Variants in ADGRB3 observed in about 807,000 individuals in gnomAD.
ADGRB3 encodes adhesion G protein-coupled receptor B3.
Under a neutral mutation model 193.4 loss-of-function variants are expected in ADGRB3, and 37 were observed. That is an observed-to-expected ratio of 0.19 (90% CI 0.15 to 0.25). ADGRB3 has a LOEUF of 0.25. Among genes scored for constraint, ADGRB3 ranks in the 10% least tolerant of loss-of-function variants. ADGRB3 has a pLI of 1.00. For missense variants in ADGRB3, 1,637 were observed against 1,852.9 expected (o/e 0.88, Z 2.14); for synonymous variants, 690 against 644.2 (o/e 1.07, Z -1.08).
chr6:68,870,305 G>A (rs1362956149), intron 3 of ADGRB3, among the ~76,000 whole-genome samples: 2 of 152,156 alleles, frequency 1.3e-5, no homozygotes, highest in African/African-American at 4.8e-5. Flanking sequence ...TGGTGGCTCA[G>A]GAGCCGCATT....
chr6:69,151,924 C>T (rs1293693429), intron 17 of ADGRB3, among the ~76,000 whole-genome samples: 6 of 152,118 alleles, frequency 3.9e-5, no homozygotes, highest in African/African-American at 9.7e-5. Flanking sequence ...TGAGTTCTCA[C>T]GAGATCTGAT....
rs567572434 is a variant in ADGRB3, at chr6:69,189,344, T to G, written c.2481-43946T>G. On this transcript the variant is annotated intron_variant, in intron 17 of 31. Transcript: ENST00000370598. ...GTTCAACTATATTTTGATGTTTGCA[T>G]TTATACCAGCACTTTCAATGCTGAA... is the stretch of plus-strand genomic sequence containing the variant. Among the ~76,000 whole-genome samples, 3 of 152,318 alleles carry G rather than the reference T, an allele frequency of 2.0e-5. No individual in the cohort carries two copies. In the East Asian group the frequency reaches 5.8e-4, roughly 29 times the overall value.
intron 11 of ADGRB3, among the ~76,000 whole-genome samples, chr6:69,003,740 G>T (rs1769653738): frequency 6.6e-6 from 1 of 152,082 alleles, no homozygotes; most frequent in Admixed American, 6.6e-5. Context: ...TCTTAAGTGG[G>T]TGAAATATGA....
At chr6:69,006,506 T>A (rs930644644) in intron 11 of ADGRB3, among the ~76,000 whole-genome samples, 5 of 151,874 alleles carry the variant, frequency 3.3e-5, no homozygotes, top group Admixed American at 1.3e-4. Flanking sequence ...AGAGTCTTTT[T>A]TTTTTTCTTT....
intron 17 of ADGRB3, among the ~76,000 whole-genome samples, chr6:69,228,711 T>G (rs948926439): frequency 6.6e-6 from 1 of 152,210 alleles, no homozygotes; most frequent in African/African-American, 2.4e-5. Context: ...TCATAAAATA[T>G]GTGTTTACAA....
chr6:69,043,290 G>GAGAGAAAGAAAAAAGAAAGAAAGAA lies in ADGRB3; in HGVS notation c.2108-4892_2108-4891insGAAAGAAAAAAGAAAGAAAGAAAGA, dbSNP rs1554252049. On this transcript the variant is annotated intron_variant, in intron 13 of 31. Transcript: ENST00000370598. ...GGAAAGAAAAGGAAAGGAAGAAAGA[G>GAGAGAAAGAAAAAAGAAAGAAAGAA]AGAAAGAAAGAAAGAAAGAAAGAAA... Among the ~76,000 whole-genome samples the GAGAGAAAGAAAAAAGAAAGAAAGAA allele has an allele frequency of 3.4e-5, 3 of 88,032 alleles. No homozygotes were observed. The East Asian group carries it at 8.3e-4, about 24-fold the overall frequency. The allele number at this position is 88,032 out of a possible 152,430, so 57.8% of individuals were successfully genotyped here.
intron 5 of ADGRB3, among the ~76,000 whole-genome samples, chr6:68,940,689 A>G (rs1035216430): frequency 2.6e-5 from 4 of 151,324 alleles, no homozygotes; most frequent in African/African-American, 7.3e-5. Flanking sequence ...CACCTGAAGT[A>G]GAGACCAGCC....
intron 8 of ADGRB3, among the ~76,000 whole-genome samples, chr6:68,964,705 G>A (rs1768328341): frequency 6.6e-6 from 1 of 152,060 alleles, no homozygotes; most frequent in African/African-American, 2.4e-5. Flanking sequence ...TGTCTGCTAA[G>A]TTTAAATATA....
chr6:68,845,503 C>T (rs1768255728), intron 3 of ADGRB3, among the ~76,000 whole-genome samples: 1 of 152,152 alleles, frequency 6.6e-6, no homozygotes, highest in Non-Finnish European at 1.5e-5. Context: ...CAAATCTGAA[C>T]TTGAATTGTA....
intron 17 of ADGRB3, among the ~76,000 whole-genome samples, chr6:69,157,252 T>C (rs1774867390): frequency 6.6e-6 from 1 of 152,176 alleles, no homozygotes; most frequent in Non-Finnish European, 1.5e-5. Flanking sequence ...AAAATAGTTA[T>C]TTAAAAAATA....
At chr6:68,991,563 G>A (rs572510383) in intron 10 of ADGRB3, among the ~76,000 whole-genome samples, 5 of 144,362 alleles carry the variant, frequency 3.5e-5, no homozygotes, top group Admixed American at 2.8e-4. Context: ...CCATCCCCTC[G>A]CTCCCACAAA....
At chr6:68,646,168 AG>A (rs1768209631) in intron 3 of ADGRB3, among the ~76,000 whole-genome samples, 1 of 151,980 alleles carries the variant, frequency 6.6e-6, no homozygotes, top group South Asian at 2.1e-4. Context: ...GGATGGAAAA[AG>A]TTAACATTGA....
intron 20 of ADGRB3, among the ~76,000 whole-genome samples, chr6:69,321,557 G>C (rs1466705035): frequency 6.6e-6 from 1 of 151,736 alleles, no homozygotes; most frequent in Non-Finnish European, 1.5e-5. Flanking sequence ...TGGAAAAGGA[G>C]ATTCAGGATT....
intron 17 of ADGRB3, among the ~76,000 whole-genome samples, chr6:69,098,620 A>T (rs1399305220): frequency 6.6e-6 from 1 of 152,192 alleles, no homozygotes; most frequent in Non-Finnish European, 1.5e-5. Flanking sequence ...TATCATGAGA[A>T]CTGCAAGGGA....
chr6:68,715,992 C>A (rs766200771), intron 3 of ADGRB3, among the ~76,000 whole-genome samples: 21 of 151,224 alleles, frequency 1.4e-4, no homozygotes, highest in Non-Finnish European at 2.8e-4. Context: ...GTCTAAACGT[C>A]AAAAAAATGC....
chr6:69,289,653 GGC>G (rs1361839822), intron 20 of ADGRB3, among the ~76,000 whole-genome samples: 1 of 152,054 alleles, frequency 6.6e-6, no homozygotes, highest in African/African-American at 2.4e-5. Context: ...CCTGGACCAA[GGC>G]ATTTGATCTT....
chr6:68,834,876 A>C (rs1398188197), intron 3 of ADGRB3, among the ~76,000 whole-genome samples: 1 of 152,002 alleles, frequency 6.6e-6, no homozygotes, highest in Non-Finnish European at 1.5e-5. Context: ...TCTGGGTCAG[A>C]CCCCAAGCCT....
At chr6:68,782,739 T>C (rs1467204110) in intron 3 of ADGRB3, among the ~76,000 whole-genome samples, 10 of 152,166 alleles carry the variant, frequency 6.6e-5, no homozygotes, top group Admixed American at 6.6e-4. Context: ...ATGAGCATTT[T>C]TTCATGTGTT....
intron 3 of ADGRB3, among the ~76,000 whole-genome samples, chr6:68,779,542 G>A (rs1219086036): frequency 2.6e-5 from 4 of 151,984 alleles, no homozygotes; most frequent in Non-Finnish European, 4.4e-5. Flanking sequence ...ACAACGTTTG[G>A]CATATCAAAT....
Sources: gnomAD v4.1 joint callset for allele counts (sites outside exome capture counted in the v4.1 genomes callset) on GRCh38, gnomAD v4.1.1 for gene constraint, MANE v1.5 for transcripts, NCBI Gene and HGNC (gene_info 2026-07-23, HGNC 2026-07-21) for gene names.